The following TELO2 variants were observed in gnomAD, a reference collection of about 807,000 sequenced individuals.
The protein encoded by TELO2 is telomere maintenance 2.
TELO2 carries 71 observed loss-of-function variants against 91.0 expected under a neutral mutation model. The observed-to-expected ratio is 0.78, with a 90% CI of 0.64 to 0.95. The LOEUF is 0.95. TELO2 is among the 40% of genes least tolerant of loss of function. The pLI is 0.00. For missense variants in TELO2, 1,183 were observed against 1,141.3 expected, an observed-to-expected ratio of 1.04 and a Z score of -0.53; for synonymous variants, 584 against 518.9, an observed-to-expected ratio of 1.13 and a Z score of -1.71.
intron 5 of TELO2, 62 bp from the exon 6 acceptor site, chr16:1,499,169 G>A (rs558358878): frequency 2.3e-5 from 36 of 1,569,352 alleles, no homozygotes; most frequent in Admixed American, 5.0e-5. Context: ...CGGAGTTCAC[G>A]CTCTCGCTCC....
In TELO2 at chr16:1,502,712, G is replaced by C. The variant is rs778519864; in HGVS notation, c.1721G>C (p.Gly574Ala). The C allele has an allele frequency of 6.2e-7, 1 of 1,612,746 alleles. No homozygotes were observed. The highest frequency in any genetic ancestry group is 8.5e-7 in the Non-Finnish European group (1 of 1,179,888). ...EEKTCVVGFA[G>A]LRQRALVAVT... The stretch of plus-strand genomic sequence containing the variant: ...AAGACCTGTGTGGTGGGATTTGCAG[G>C]GCTGCGCCAGAGAGCCCTGGTGGCC... The change falls in exon 14 of 21, where the codon GGG becomes GCG. Residue 574 changes from glycine (G) to alanine (A), a missense_variant. Physicochemically the swap from Gly to Ala is moderately conservative, Grantham distance 60 (BLOSUM62 0). Transcript: ENST00000262319.
Position 1,494,336 on chromosome 16 carries a change from C to G in TELO2, c.55C>G (p.Leu19Val). The change falls in exon 2 of 21, where the codon CTC (leucine) becomes GTC (valine). Residue 19 changes from leucine to valine, a missense_variant. By Grantham distance (32) the Leu-to-Val change is conservative. Coordinates refer to ENST00000262319, the MANE Select transcript of TELO2 (RefSeq NM_016111.4). The surrounding 1 kb of genome is among the most constrained non-coding windows in gnomAD (Gnocchi z 5.6). ...RLAVREAIHA[L>V]SSSEDGGHIF... ...CGCCGTCCGGGAAGCCATTCATGCC[C>G]TCTCGTCTTCGGAGGATGGCGGCCA... The G allele has an allele frequency of 6.2e-7, 1 of 1,613,742 alleles. No individual in the cohort carries two copies.
At position 1,505,565 on chromosome 16, in the gene TELO2, G is replaced by A. The variant is rs757020968; in HGVS notation, c.1998G>A (p.Glu666=). Residue 666 remains glutamate (E), a synonymous_variant, in exon 16 of 21, where the codon GAG becomes GAA. Coordinates refer to ENST00000262319, the MANE Select transcript of TELO2 (RefSeq NM_016111.4). This position sits in a 1 kb window ranked among gnomAD's most constrained non-coding sequence, Gnocchi z 4.3. ...AVASDWRVVV[E]ERIRSKTQRL... The stretch of plus-strand genomic sequence containing the variant: ...CGTCTGACTGGCGGGTGGTGGTGGA[G>A]GAGCGGATCAGAAGCAAGACCCAGC... 5 of 1,612,802 alleles carry A rather than the reference G, an allele frequency of 3.1e-6. No homozygotes were observed. The highest frequency in any genetic ancestry group is 4.2e-6 in the Non-Finnish European group (5 of 1,179,952).
In TELO2 at chr16:1,499,328, C is replaced by A. The variant is rs1319904932; in HGVS notation, c.928C>A (p.Leu310Ile). Residue 310 changes from leucine (L) to isoleucine (I), a missense_variant, in exon 6 of 21, where the codon CTC (leucine) becomes ATC (isoleucine). Leu to Ile is a conservative substitution (Grantham distance 5, BLOSUM62 2). Transcript: ENST00000262319. The stretch of plus-strand genomic sequence containing the variant: ...GAAGCTTCTGTTCTTACAGTCCCGG[C>A]TCACGGTGAGGACGCCACGGAGGGT... Reference protein sequence around the residue: ...TQKLLFLQSRLTTPMLQSLLG... With the variant: ...TQKLLFLQSRITTPMLQSLLG... 6.2e-7 allele frequency: 1 copy of A among 1,600,162 alleles called. No individual in the cohort carries two copies. The highest frequency in any genetic ancestry group is 1.5e-5 in the African/African-American group (1 of 68,402).
intron 6 of TELO2, among the ~76,000 whole-genome samples, chr16:1,499,556 C>A (rs936447089): frequency 2.6e-5 from 4 of 151,062 alleles, no homozygotes; most frequent in Non-Finnish European, 5.9e-5. Context: ...CTTCTAGACT[C>A]CCGAGAAGCC....
At chr16:1,504,867 C>T (rs1171081393) in intron 15 of TELO2, among the ~76,000 whole-genome samples, 1 of 148,862 alleles carries the variant, frequency 6.7e-6, no homozygotes, top group Non-Finnish European at 1.5e-5. Flanking sequence ...CACAGTGTCA[C>T]GCAGCCGCCT....
rs2039949794 is a variant in TELO2 at position 1,507,719 on chromosome 16, G to A, written c.2407+3G>A. ...GGAAGCCCGGTCCTGGCTGGCGGGT[G>A]AGTGTCGGCCTGCGGTGTGTGTGTG... On this transcript the variant is annotated splice_donor_region_variant and intron_variant, in intron 20 of 20. Transcript: ENST00000262319. The A allele has an allele frequency of 1.2e-6, 2 of 1,600,320 alleles. No homozygotes were observed. The highest frequency in any genetic ancestry group is 3.3e-4 in the Middle Eastern group (2 of 6,042).
At position 1,499,475 on chromosome 16, in the gene TELO2, G is replaced by A. The variant is rs2039600648; in HGVS notation, c.933+142G>A. 2.7e-5 allele frequency: 23 copies of A among 842,986 alleles called. No individual in the cohort carries two copies. In the South Asian group the frequency reaches 3.2e-4, roughly 12 times the overall value. The allele number at this position is 842,986 out of a possible 1,614,324, so 52.2% of individuals were successfully genotyped here. On this transcript the variant is annotated intron_variant, in intron 6 of 20. Transcript: ENST00000262319. Reference sequence around the variant, plus strand: ...GTGGCTGGCAGGAGTTGGCGAGGCGGTGGGTGCCTCCCTGCCCTGATGACA... The same window carrying A: ...GTGGCTGGCAGGAGTTGGCGAGGCGATGGGTGCCTCCCTGCCCTGATGACA...
intron 6 of TELO2, among the ~76,000 whole-genome samples, chr16:1,499,535 CAT>C (rs1355176328): frequency 2.9e-5 from 4 of 139,852 alleles, no homozygotes; most frequent in South Asian, 2.3e-4. Flanking sequence ...GAGGGCTTCT[CAT>C]GTGTCAATCT....
intron 9 of TELO2, among the ~76,000 whole-genome samples, chr16:1,501,115 G>C (rs556210057): frequency 6.6e-6 from 1 of 152,246 alleles, no homozygotes; most frequent in African/African-American, 2.4e-5. Flanking sequence ...GGCTGTGGAG[G>C]TGACGGCCTG....
At chr16:1,496,536 TC>T (rs1404405639) in intron 3 of TELO2, among the ~76,000 whole-genome samples, 3 of 152,174 alleles carry the variant, frequency 2.0e-5, no homozygotes, top group Non-Finnish European at 4.4e-5. Flanking sequence ...GCCGTCCTGG[TC>T]CCCACGCGGC....
chr16:1,501,217 T>C (rs2039664756), intron 9 of TELO2, among the ~76,000 whole-genome samples: 1 of 152,196 alleles, frequency 6.6e-6, no homozygotes, highest in Non-Finnish European at 1.5e-5. Flanking sequence ...CCCCTCAGCT[T>C]TGAGCACTCC....
rs2039387035 is a variant in TELO2 at position 1,493,876 on chromosome 16, G to C, written c.-37+271G>C. ...GGAGCCGGGAGGGCCGGCAGCTCCC[G>C]CGGGCCGAGTTTCCCGCCTTGGGTG... On this transcript the variant is annotated intron_variant, in intron 1 of 20. Transcript: ENST00000262319. This position sits in a 1 kb window ranked among gnomAD's most constrained non-coding sequence, Gnocchi z 4.3. Among the ~76,000 whole-genome samples, 2 of 152,236 alleles carry C rather than the reference G, an allele frequency of 1.3e-5. No homozygotes were observed. The highest frequency in any genetic ancestry group is 4.8e-5 in the African/African-American group (2 of 41,460).
At chr16:1,506,791 G>C (rs578253413) in intron 17 of TELO2, 161 bp from the exon 18 acceptor site, 3 of 1,416,410 alleles carry the variant, frequency 2.1e-6, no homozygotes, top group South Asian at 3.0e-5. Flanking sequence ...GGGGGAGTAG[G>C]CACCCGGAAA....
At chr16:1,498,957 G>A (rs183311069) in intron 5 of TELO2, among the ~76,000 whole-genome samples, 226 of 152,170 alleles carry the variant, frequency 1.5e-3, no homozygotes, top group African/African-American at 4.9e-3. Flanking sequence ...ACCCGCCTCC[G>A]CCCGGGCTGA....
chr16:1,510,081 G>GGCCTT lies in TELO2; in HGVS notation c.*145_*146insGCCTT. ...GAGAGTGCAGATGCAGGAAGGCCCGGCCTGCCGCTATTTATAGTGCAGCCA... is the reference window on the plus strand; with the variant it reads ...GAGAGTGCAGATGCAGGAAGGCCCGGGCCTTCCTGCCGCTATTTATAGTGCAGCCA... On this transcript the variant is annotated 3_prime_UTR_variant, in exon 21 of 21. Transcript: ENST00000262319. 1 of 667,644 alleles carries GGCCTT rather than the reference G, an allele frequency of 1.5e-6. No homozygotes were observed. Among genetic ancestry groups the GGCCTT allele is most frequent in the Non-Finnish European group, 2.5e-6 (1 of 394,646 alleles). 41.4% of individuals were successfully genotyped at this position (667,644 alleles called of 1,614,324 possible). A position where few individuals can be genotyped will look rare whatever the true frequency, so the allele number is the denominator to read the frequency against.
At position 1,494,244 on chromosome 16, in the gene TELO2, A is replaced by C; in HGVS notation, c.-36-2A>C. The C allele has an allele frequency of 6.3e-7, 1 of 1,576,736 alleles. No homozygotes were observed. The highest frequency in any genetic ancestry group is 2.3e-5 in the East Asian group (1 of 44,376). ...AAGCTGAGCCCTGTGTCCATGTCACAGGTCGTCTTCCCGTGACGCCCAGAT... is the reference window on the plus strand; with the variant it reads ...AAGCTGAGCCCTGTGTCCATGTCACCGGTCGTCTTCCCGTGACGCCCAGAT... On this transcript the variant is annotated splice_acceptor_variant, in intron 1 of 20. Transcript: ENST00000262319. LOFTEE classifies it low-confidence loss of function (5UTR_SPLICE). The surrounding 1 kb of genome is among the most constrained non-coding windows in gnomAD (Gnocchi z 5.6).
chr16:1,504,729 G>GTTTT (rs1384529065), intron 15 of TELO2, among the ~76,000 whole-genome samples: 1 of 151,220 alleles, frequency 6.6e-6, no homozygotes, highest in Non-Finnish European at 1.5e-5. Flanking sequence ...GGCTAATTTT[G>GTTTT]TGTATTTTTA....
intron 12 of TELO2, 84 bp from the exon 13 acceptor site, chr16:1,502,229 C>G: frequency 1.3e-6 from 2 of 1,574,814 alleles, no homozygotes; most frequent in Non-Finnish European, 1.7e-6. Flanking sequence ...AAGCCCTGGG[C>G]CCGGGGTGCC....
Sources: allele counts gnomAD v4.1 joint callset (sites outside exome capture counted in the v4.1 genomes callset), GRCh38; gene constraint gnomAD v4.1.1; non-coding constraint Gnocchi (gnomAD v3.1); transcripts MANE v1.5; gene names NCBI Gene and HGNC (gene_info 2026-07-23, HGNC 2026-07-21).